The following DAB1 variants were observed in gnomAD, a reference collection of about 807,000 sequenced individuals.
DAB1 encodes the protein DAB adaptor protein 1.
In DAB1, 15 loss-of-function variants were observed where a neutral mutation model predicts 64.6. That is an observed-to-expected ratio of 0.23 (90% CI 0.16 to 0.36). The LOEUF (loss-of-function observed/expected upper bound fraction) is 0.36. DAB1 is among the 10% of genes least tolerant of loss of function. The pLI is 1.00. For missense variants in DAB1, 596 were observed against 706.7 expected (o/e 0.84, Z 1.78); for synonymous variants, 235 against 251.9 (o/e 0.93, Z 0.64).
chr1:58,025,493 A>G (rs1646875674), intron 5 of DAB1, among the ~76,000 whole-genome samples: 1 of 151,134 alleles, frequency 6.6e-6, no homozygotes, highest in African/African-American at 2.4e-5. Flanking sequence ...AGCTTCATAG[A>G]TTTTGTTTCT....
chr1:57,715,246 G>A (rs1647071106), intron 6 of DAB1, among the ~76,000 whole-genome samples: 1 of 152,124 alleles, frequency 6.6e-6, no homozygotes, highest in South Asian at 2.1e-4. Context: ...TTACAAAAGT[G>A]CTCAACATGT....
At chr1:57,569,782 T>C (rs1645171832) in intron 7 of DAB1, among the ~76,000 whole-genome samples, 1 of 152,208 alleles carries the variant, frequency 6.6e-6, no homozygotes, top group South Asian at 2.1e-4. Flanking sequence ...TTTTATTTCC[T>C]TTCTCCTTTA....
chr1:58,487,743 T>C lies in DAB1; in HGVS notation n.257+18317A>G, dbSNP rs547184711. Among the ~76,000 whole-genome samples, 248 of 152,320 alleles carry C rather than the reference T, an allele frequency of 1.6e-3. 1 individual carries two copies. The highest frequency in any genetic ancestry group is 5.8e-3 in the African/African-American group (242 of 41,584). The stretch of plus-strand genomic sequence containing the variant: ...GTAATTTGAGAAGCTTCATTCTAGC[T>C]ATAATTTCTACTCCTAGCTGCATCC... On this transcript the variant is annotated intron_variant and non_coding_transcript_variant, in intron 3 of 20. Transcript: ENST00000485760.
intron 1 of DAB1, among the ~76,000 whole-genome samples, chr1:57,326,802 C>T (rs1030231151): frequency 3.3e-5 from 5 of 152,086 alleles, no homozygotes; most frequent in African/African-American, 4.8e-5. Context: ...CAGACCTCAT[C>T]GAATCCTCAT....
At chr1:57,692,265 C>T (rs556722167) in intron 6 of DAB1, among the ~76,000 whole-genome samples, 2 of 152,266 alleles carry the variant, frequency 1.3e-5, no homozygotes, top group Admixed American at 1.3e-4. Flanking sequence ...AAACTACTCC[C>T]TGTCTCTGGT....
chr1:57,420,412 A>G (rs1684808644), intron 1 of DAB1, among the ~76,000 whole-genome samples: 1 of 152,206 alleles, frequency 6.6e-6, no homozygotes, highest in African/African-American at 2.4e-5. Flanking sequence ...GCTAATACAA[A>G]TGAGAATACA....
intron 4 of DAB1, among the ~76,000 whole-genome samples, chr1:57,111,635 T>A (rs931261547): frequency 6.6e-6 from 1 of 152,228 alleles, no homozygotes; most frequent in East Asian, 1.9e-4. Flanking sequence ...AATTTTGCTA[T>A]CCCTCCCAGT....
intron 2 of DAB1, among the ~76,000 whole-genome samples, chr1:57,284,690 T>G (rs1430994543): frequency 6.6e-6 from 1 of 152,300 alleles, no homozygotes; most frequent in Non-Finnish European, 1.5e-5. Flanking sequence ...AAGATCATTC[T>G]CTCAGGATCC....
chr1:57,271,002 C>A (rs1205399690), intron 2 of DAB1, among the ~76,000 whole-genome samples: 1 of 152,152 alleles, frequency 6.6e-6, no homozygotes, highest in Non-Finnish European at 1.5e-5. Context: ...TCCATAATCT[C>A]TAGGTCAGTC....
rs187463749 is a variant in DAB1 at position 58,280,188 on chromosome 1, G to A, written n.309+63164C>T. 2.6e-5 allele frequency among the ~76,000 whole-genome samples: 4 copies of A among 152,280 alleles called. No homozygotes were observed. In the East Asian group the frequency reaches 7.7e-4, roughly 29 times the overall value. On this transcript the variant is annotated intron_variant and non_coding_transcript_variant, in intron 4 of 20. Transcript: ENST00000485760. ...AACCTGACCTCCTCTAAGACAGGAG[G>A]CTCCCACCTCCTGTGAGGAGTCATC...
At chr1:57,099,040 A>G (rs1654427443) in intron 4 of DAB1, among the ~76,000 whole-genome samples, 1 of 152,162 alleles carries the variant, frequency 6.6e-6, no homozygotes, top group Admixed American at 6.5e-5. Flanking sequence ...GGGTTGGGAG[A>G]GCCAAGGTAG....
At chr1:57,401,834 C>T (rs1683267982) in intron 1 of DAB1, among the ~76,000 whole-genome samples, 1 of 152,200 alleles carries the variant, frequency 6.6e-6, no homozygotes, top group Non-Finnish European at 1.5e-5. Context: ...AAAGGTAACT[C>T]AATTCAGCAT....
intron 4 of DAB1, among the ~76,000 whole-genome samples, chr1:57,101,714 C>A (rs1160460455): frequency 6.6e-6 from 1 of 152,252 alleles, no homozygotes; most frequent in Non-Finnish European, 1.5e-5. Flanking sequence ...ACCAGGCACT[C>A]TGCTAGGCAC....
chr1:57,102,308 G>C (rs928195751), intron 4 of DAB1, among the ~76,000 whole-genome samples: 1 of 152,120 alleles, frequency 6.6e-6, no homozygotes, highest in African/African-American at 2.4e-5. Flanking sequence ...CAGAAACAAA[G>C]TTCACATGAT....
chr1:57,563,274 G>A (rs1020018009), intron 7 of DAB1, among the ~76,000 whole-genome samples: 1 of 152,196 alleles, frequency 6.6e-6, no homozygotes, highest in East Asian at 1.9e-4. Flanking sequence ...AGATGTTTGT[G>A]CATGTATACA....
At chr1:57,766,165 C>T (rs956293412) in intron 6 of DAB1, among the ~76,000 whole-genome samples, 3 of 151,856 alleles carry the variant, frequency 2.0e-5, no homozygotes, top group Non-Finnish European at 4.4e-5. Flanking sequence ...CTAATGCTAC[C>T]ACCATCATCT....
intron 2 of DAB1, among the ~76,000 whole-genome samples, chr1:57,222,225 T>C (rs1182266748): frequency 2.0e-5 from 3 of 152,212 alleles, no homozygotes; most frequent in African/African-American, 7.2e-5. Context: ...TGTCCTTTAG[T>C]CTTTCTTTCC....
chr1:57,345,585 C>T (rs1011597733), intron 1 of DAB1, among the ~76,000 whole-genome samples: 15 of 152,006 alleles, frequency 9.9e-5, no homozygotes, highest in African/African-American at 1.5e-4. Flanking sequence ...ATCTAGTGCT[C>T]GGTTATTTGA....
chr1:57,423,300 AAC>A (rs1188683104), intron 1 of DAB1, among the ~76,000 whole-genome samples: 2 of 151,674 alleles, frequency 1.3e-5, no homozygotes, highest in Non-Finnish European at 2.9e-5. Flanking sequence ...AGCGGCAGAG[AAC>A]AGAGTCCACA....
Sources: gnomAD v4.1 joint callset for allele counts (sites outside exome capture counted in the v4.1 genomes callset) on GRCh38, gnomAD v4.1.1 for gene constraint, MANE v1.5 for transcripts, NCBI Gene and HGNC (gene_info 2026-07-23, HGNC 2026-07-21) for gene names.